Variants in API5 observed in about 807,000 individuals in gnomAD.
API5 encodes apoptosis inhibitor 5, also known as FIF.
A neutral mutation model predicts 71.9 loss-of-function variants in API5; 6 were observed. The observed-to-expected ratio is 0.08, with a 90% CI of 0.05 to 0.16. The LOEUF is 0.16. Ranked by LOEUF, API5 falls within the 10% of genes least tolerant of loss-of-function variation. The pLI is 1.00. For missense variants in API5, 332 were observed against 612.8 expected (o/e 0.54, Z 4.84); for synonymous variants, 189 against 221.3 (o/e 0.85, Z 1.30).
chr11:43,328,610 A>G, intron 8 of API5, 102 bp from the exon 9 acceptor site: 1 of 1,056,980 alleles, frequency 9.5e-7, no homozygotes, highest in East Asian at 2.6e-5. Flanking sequence ...GTAGTTTTTA[A>G]TGCTCCATGC....
intron 13 of API5, among the ~76,000 whole-genome samples, chr11:43,340,891 A>C (rs1855587930): frequency 6.6e-6 from 1 of 152,212 alleles, no homozygotes; most frequent in Admixed American, 6.5e-5. Context: ...AAAAGATTTT[A>C]TGACTGAGAC....
At chr11:43,328,589 G>A in intron 8 of API5, 123 bp from the exon 9 acceptor site, 6 of 832,526 alleles carry the variant, frequency 7.2e-6, no homozygotes, top group Non-Finnish European at 9.3e-6. Context: ...AAATCCAAAT[G>A]TCTGGTTTTG....
Position 43,342,410 on chromosome 11 carries a change from T to C in API5, c.1493-18T>C. On this transcript the variant is annotated intron_variant, in intron 13 of 13. Transcript: ENST00000531273. ...GAAATCCTAAGCAAGACCTAAACCC[T>C]TGTTCGCTTTTTCGTAGAGCAGAGA... 6.3e-7 allele frequency: 1 copy of C among 1,579,198 alleles called. No individual in the cohort carries two copies. The highest frequency in any genetic ancestry group is 8.6e-7 in the Non-Finnish European group (1 of 1,163,566).
Position 43,323,633 on chromosome 11 carries a change from C to T in API5, c.747C>T (p.Phe249=). The T allele has an allele frequency of 6.2e-6, 10 of 1,613,520 alleles. No homozygotes were observed. The highest frequency in any genetic ancestry group is 2.2e-5 in the East Asian group (1 of 44,880). Residue 249 remains phenylalanine, a synonymous_variant, in exon 6 of 14, where the codon TTC becomes TTT. Coordinates refer to ENST00000531273, the MANE Select transcript of API5 (RefSeq NM_001142930.2). ...LQCTRQAVPL[F]SKNVHSTRFV... is the part of the protein sequence containing the mutation. ...GCACTCGGCAGGCAGTACCCCTCTT[C>T]TCTGTGAGCTCTTTATTTTTACACA...
At chr11:43,339,249 G>C (rs911739496) in intron 13 of API5, 1 of 151,968 alleles carries the variant, frequency 6.6e-6, no homozygotes, top group Non-Finnish European at 1.5e-5. Context: ...AGAAAGGGGG[G>C]TCAAAAAAGA....
chr11:43,333,802 G>A (rs570436958), intron 11 of API5, among the ~76,000 whole-genome samples: 2 of 143,566 alleles, frequency 1.4e-5, no homozygotes, highest in Non-Finnish European at 2.9e-5. Context: ...GGTCAGGAAG[G>A]CAACGGTCAT....
At chr11:43,315,252 T>C (rs1194174714) in intron 1 of API5, among the ~76,000 whole-genome samples, 1 of 152,214 alleles carries the variant, frequency 6.6e-6, no homozygotes, top group African/African-American at 2.4e-5. Flanking sequence ...TATCGGCTAA[T>C]TTCCCCAAAG....
rs1392614226 is a variant in API5 at position 43,323,503 on chromosome 11, C to T, written c.617C>T (p.Thr206Ile). 1 of 1,614,142 alleles carries T rather than the reference C, an allele frequency of 6.2e-7. No individual in the cohort carries two copies. The highest frequency in any genetic ancestry group is 8.5e-7 in the Non-Finnish European group (1 of 1,180,018). ...CTGTCTGGGTTAAAAAGCTTACAGA[C>T]AGTGAGTGGAAGACAGCAACTTGTA... ...KILSGLKSLQ[T>I]VSGRQQLVEL... Residue 206 changes from threonine (T) to isoleucine (I), a missense_variant, in exon 6 of 14, where the codon ACA becomes ATA. Coordinates refer to ENST00000531273, the MANE Select transcript of API5 (RefSeq NM_001142930.2).
rs780030583 is a variant in API5 at position 43,330,471 on chromosome 11, A to C, written c.1222-37A>C. On this transcript the variant is annotated intron_variant, in intron 10 of 13. Transcript: ENST00000531273. Reference sequence around the variant, plus strand: ...GAATGGATTATGCCTCATAGAAGTTATTGGCAATTTGTCTTAATTTTCCTT... The same window carrying C: ...GAATGGATTATGCCTCATAGAAGTTCTTGGCAATTTGTCTTAATTTTCCTT... The C allele has an allele frequency of 2.1e-6, 3 of 1,429,610 alleles. No homozygotes were observed. The South Asian group carries it at 3.5e-5, about 16-fold the overall frequency. The allele number at this position is 1,429,610 out of a possible 1,614,324, so 88.6% of individuals were successfully genotyped here. A position where few individuals can be genotyped will look rare whatever the true frequency, so the allele number is the denominator to read the frequency against.
intron 13 of API5, among the ~76,000 whole-genome samples, chr11:43,340,627 G>A (rs550822935): frequency 6.6e-5 from 10 of 151,818 alleles, no homozygotes; most frequent in South Asian, 2.1e-4. Flanking sequence ...ATTAATCCAC[G>A]TATCTACAGC....
chr11:43,320,782 G>A, intron 2 of API5, 39 bp from the exon 3 acceptor site: 3 of 1,413,948 alleles, frequency 2.1e-6, no homozygotes, highest in South Asian at 1.2e-5. Flanking sequence ...TTTTAAAGGT[G>A]ATAGTATTTG....
chr11:43,322,142 C>G lies in API5; in HGVS notation c.543+6C>G. The G allele has an allele frequency of 6.3e-7, 1 of 1,585,776 alleles. No homozygotes were observed. Among genetic ancestry groups the G allele is most frequent in the Non-Finnish European group, 8.6e-7 (1 of 1,168,690 alleles). On this transcript the variant is annotated splice_donor_region_variant and intron_variant, in intron 5 of 13. Transcript: ENST00000531273. ...TACTAACTGAATCCAAAAAGGTGAG[C>G]TTTGGTCTTCATTTGGTGGAAATTC...
Position 43,318,703 on chromosome 11 carries a change from G to A in API5, c.133G>A (p.Ala45Thr). 11 of 1,613,712 alleles carry A rather than the reference G, an allele frequency of 6.8e-6. No individual in the cohort carries two copies. The highest frequency in any genetic ancestry group is 9.3e-6 in the Non-Finnish European group (11 of 1,179,986). ...AGGTGGTACTAAGGAAAAGCGATTAGCAGCTCAATTTATTCCGAAATTCTT... is the reference window on the plus strand; with the variant it reads ...AGGTGGTACTAAGGAAAAGCGATTAACAGCTCAATTTATTCCGAAATTCTT... Reference protein sequence around the residue: ...VKGGTKEKRLAAQFIPKFFKH... With the variant: ...VKGGTKEKRLTAQFIPKFFKH... Residue 45 changes from alanine to threonine, a missense_variant, in exon 2 of 14, where the codon GCA becomes ACA. Physicochemically the swap from Ala to Thr is moderately conservative, Grantham distance 58. Transcript: ENST00000531273.
chr11:43,333,463 C>T (rs1445595525), intron 11 of API5, among the ~76,000 whole-genome samples: 1 of 152,070 alleles, frequency 6.6e-6, no homozygotes, highest in South Asian at 2.1e-4. Flanking sequence ...CTGATACAGG[C>T]ATAAACTGAG....
At position 43,322,019 on chromosome 11, in the gene API5, A is replaced by G. The variant is rs1458271731; in HGVS notation, c.426A>G (p.Gln142=). 2 of 1,613,114 alleles carry G rather than the reference A, an allele frequency of 1.2e-6. No homozygotes were observed. Among genetic ancestry groups the G allele is most frequent in the Admixed American group, 1.7e-5 (1 of 59,900 alleles). The change falls in exon 5 of 14, where the codon CAA becomes CAG. Residue 142 remains glutamine, a synonymous_variant. Coordinates refer to ENST00000531273, the MANE Select transcript of API5 (RefSeq NM_001142930.2). ...TLGGLFSQIL[Q]GEDIVRERAI... is the part of the protein sequence containing the mutation. ...GTGGGTTGTTCAGCCAAATACTTCA[A>G]GGAGAGGACATTGTTAGAGAACGAG...
chr11:43,314,347 T>C (rs1854597306), intron 1 of API5, among the ~76,000 whole-genome samples: 1 of 152,190 alleles, frequency 6.6e-6, no homozygotes, highest in African/African-American at 2.4e-5. Context: ...TACATAATGC[T>C]GTCCATCCCC....
chr11:43,342,402 C>G (rs371045239), intron 13 of API5, 26 bp from the exon 14 acceptor site: 53 of 1,570,046 alleles, frequency 3.4e-5, no homozygotes, highest in Non-Finnish European at 4.3e-5. Flanking sequence ...TAAGCAAGAC[C>G]TAAACCCTTG....
intron 11 of API5, among the ~76,000 whole-genome samples, chr11:43,333,722 T>C (rs967739371): frequency 6.6e-6 from 1 of 152,144 alleles, no homozygotes; most frequent in Non-Finnish European, 1.5e-5. Flanking sequence ...GTCACAGTGG[T>C]CTCTATCTCC....
chr11:43,338,648 T>TA (rs35510804), intron 13 of API5, among the ~76,000 whole-genome samples: 16,160 of 96,896 alleles, frequency 0.17, 1,733 homozygotes, highest in East Asian at 0.33. Context: ...CAATTGGAGG[T>TA]AAAAAAAAAA....
Sources: allele counts gnomAD v4.1 joint callset (sites outside exome capture counted in the v4.1 genomes callset), GRCh38; gene constraint gnomAD v4.1.1; transcripts MANE v1.5; gene names NCBI Gene and HGNC (gene_info 2026-07-23, HGNC 2026-07-21).